MAD1L1: variants seen among roughly 807,000 people sequenced by gnomAD.
MAD1L1 encodes the protein mitotic spindle assembly checkpoint protein MAD1.
Under a neutral mutation model 96.9 loss-of-function variants are expected in MAD1L1, and 95 were observed. That is an observed-to-expected ratio of 0.98 (90% confidence interval 0.83 to 1.16). The LOEUF is 1.16. Among genes scored for constraint, MAD1L1 ranks in the 50% most tolerant of loss-of-function variants. MAD1L1 has a pLI of 0.00. For synonymous variants in MAD1L1, 473 were observed against 396.6 expected, an observed-to-expected ratio of 1.19 and a Z score of -2.29; for missense variants, 1,007 against 954.4, an observed-to-expected ratio of 1.06 and a Z score of -0.73.
intron 10 of MAD1L1, among the ~76,000 whole-genome samples, chr7:2,154,748 G>GA (rs1436983205): frequency 6.6e-6 from 1 of 152,166 alleles, no homozygotes; most frequent in Non-Finnish European, 1.5e-5. Flanking sequence ...CTCCATATCA[G>GA]AAAAAGAAAA....
chr7:1,822,707 A>G (rs1418566316), intron 18 of MAD1L1, among the ~76,000 whole-genome samples: 1 of 149,276 alleles, frequency 6.7e-6, no homozygotes, highest in Non-Finnish European at 1.5e-5. Context: ...TACAGGCGTG[A>G]GCCACCATGC....
chr7:2,205,084 C>CTTTTTTTTTTTTTTTTTTTTTTTT (rs56101356), intron 10 of MAD1L1, among the ~76,000 whole-genome samples: 1 of 103,862 alleles, frequency 9.6e-6, no homozygotes, highest in African/African-American at 3.6e-5. Flanking sequence ...AGGATCTTTT[C>CTTTTTTTTTTTTTTTTTTTTTTTT]TTTTTTTTTT....
At position 1,816,233 on chromosome 7, in the gene MAD1L1, G is replaced by T; in HGVS notation, c.1999-5C>A. On this transcript the variant is annotated splice_region_variant and splice_polypyrimidine_tract_variant and intron_variant, in intron 18 of 18. Coordinates refer to ENST00000265854, the MANE Select transcript of MAD1L1 (RefSeq NM_001013836.2). ...GGAACCCGAGGGGCTGGTGGCCTGC[G>T]GGGCAGTCAAGAAAGAGACAAGACA... is the stretch of plus-strand genomic sequence containing the variant. 2 of 1,611,220 alleles carry T rather than the reference G, an allele frequency of 1.2e-6. No individual in the cohort carries two copies. The highest frequency in any genetic ancestry group is 1.7e-6 in the Non-Finnish European group (2 of 1,178,776).
intron 18 of MAD1L1, among the ~76,000 whole-genome samples, chr7:1,877,134 T>C (rs1453147287): frequency 2.6e-5 from 4 of 152,034 alleles, no homozygotes; most frequent in African/African-American, 9.7e-5. Context: ...AAATGCTCTA[T>C]GTTAACTAGT....
chr7:2,022,085 C>T (rs531996789), intron 12 of MAD1L1, among the ~76,000 whole-genome samples: 26 of 152,172 alleles, frequency 1.7e-4, no homozygotes, highest in Non-Finnish European at 3.4e-4. Context: ...CCTCCCAAGT[C>T]GCTGGGACTG....
At chr7:2,100,690 C>T (rs1786736327) in intron 11 of MAD1L1, among the ~76,000 whole-genome samples, 1 of 152,252 alleles carries the variant, frequency 6.6e-6, no homozygotes, top group Non-Finnish European at 1.5e-5. Flanking sequence ...GAGCCGCGTC[C>T]ACCCAAGCCC....
intron 13 of MAD1L1, among the ~76,000 whole-genome samples, chr7:2,010,549 C>T (rs892929180): frequency 6.6e-6 from 1 of 152,202 alleles, no homozygotes; most frequent in African/African-American, 2.4e-5. Context: ...CTCCCGCAGC[C>T]GCTTTATTAA....
intron 18 of MAD1L1, among the ~76,000 whole-genome samples, chr7:1,839,447 G>A (rs1015637322): frequency 4.6e-5 from 7 of 151,972 alleles, no homozygotes; most frequent in Non-Finnish European, 5.9e-5. Flanking sequence ...CCAGCTGCCC[G>A]CAGGACAAGC....
At chr7:1,818,408 G>A (rs1243087419) in intron 18 of MAD1L1, among the ~76,000 whole-genome samples, 3 of 151,580 alleles carry the variant, frequency 2.0e-5, no homozygotes, top group African/African-American at 4.8e-5. Flanking sequence ...TTTTAGAGAC[G>A]AGTCTCACTC....
intron 12 of MAD1L1, among the ~76,000 whole-genome samples, chr7:2,050,442 C>T (rs908207112): frequency 7.9e-5 from 12 of 152,250 alleles, no homozygotes; most frequent in African/African-American, 2.2e-4. Context: ...GTTCCTGGGC[C>T]GCCTCCACTC....
intron 14 of MAD1L1, among the ~76,000 whole-genome samples, chr7:1,993,958 G>A (rs1307149463): frequency 6.6e-6 from 1 of 152,214 alleles, no homozygotes; most frequent in African/African-American, 2.4e-5. Context: ...AGCCTGATAT[G>A]AGGAAGCCCC....
At chr7:2,115,674 A>G (rs1787650376) in intron 11 of MAD1L1, among the ~76,000 whole-genome samples, 1 of 152,204 alleles carries the variant, frequency 6.6e-6, no homozygotes, top group Non-Finnish European at 1.5e-5. Flanking sequence ...GCCTGTGGAC[A>G]CTCAGTCTGC....
intron 18 of MAD1L1, among the ~76,000 whole-genome samples, chr7:1,890,251 C>T (rs1484796544): frequency 6.6e-6 from 1 of 152,194 alleles, no homozygotes; most frequent in Non-Finnish European, 1.5e-5. Flanking sequence ...ATGGGATCCC[C>T]AATGTTGGAA....
intron 6 of MAD1L1, 30 bp downstream of exon 6, chr7:2,219,302 C>G: frequency 6.5e-7 from 1 of 1,538,030 alleles, no homozygotes. Flanking sequence ...CGTGACCCGA[C>G]CCCCGACCCC....
intron 12 of MAD1L1, among the ~76,000 whole-genome samples, chr7:2,065,306 C>T (rs919530781): frequency 6.6e-6 from 1 of 152,224 alleles, no homozygotes; most frequent in Admixed American, 6.5e-5. Context: ...GCTCTCCACA[C>T]TCTCCCATCA....
chr7:1,821,091 A>C (rs1562424568), intron 18 of MAD1L1, among the ~76,000 whole-genome samples: 2 of 126,178 alleles, frequency 1.6e-5, no homozygotes, highest in Non-Finnish European at 3.5e-5. Context: ...AAAAAAAAAA[A>C]AAGGGGGGGG....
intron 18 of MAD1L1, among the ~76,000 whole-genome samples, chr7:1,854,846 A>G (rs992757320): frequency 2.0e-5 from 3 of 152,180 alleles, no homozygotes; most frequent in Non-Finnish European, 4.4e-5. Context: ...TCCCATTTCA[A>G]AAGGGGGAAA....
chr7:2,205,992 T>G (rs1792578547), intron 10 of MAD1L1, among the ~76,000 whole-genome samples: 2 of 152,032 alleles, frequency 1.3e-5, no homozygotes, highest in South Asian at 4.2e-4. Flanking sequence ...ATTAGCCGGG[T>G]GTGGTGGTGC....
intron 17 of MAD1L1, among the ~76,000 whole-genome samples, chr7:1,913,670 G>A (rs897598201): frequency 6.6e-6 from 1 of 152,092 alleles, no homozygotes. Context: ...AGCTGCTATG[G>A]GGGGAGGGAG....
Sources: allele counts gnomAD v4.1 joint callset (sites outside exome capture counted in the v4.1 genomes callset), GRCh38; gene constraint gnomAD v4.1.1; transcripts MANE v1.5; gene names NCBI Gene and HGNC (gene_info 2026-07-23, HGNC 2026-07-21).